Variants in CNTN5 observed in about 807,000 individuals in gnomAD.
The protein encoded by CNTN5 is contactin 5, also known as contactin-5.
A neutral mutation model predicts 129.1 loss-of-function variants in CNTN5; 77 were observed. The observed-to-expected ratio is 0.60, with a 90% CI of 0.50 to 0.72. The LOEUF is 0.72. Among genes scored for constraint, CNTN5 ranks in the 30% least tolerant of loss-of-function variants. The pLI is 0.00. For synonymous variants in CNTN5, 509 were observed against 465.6 expected (o/e 1.09, Z -1.20); for missense variants, 1,478 against 1,328.8 (o/e 1.11, Z -1.75).
intron 3 of CNTN5, among the ~76,000 whole-genome samples, chr11:99,715,718 G>T (rs747452670): frequency 6.6e-6 from 1 of 151,832 alleles, no homozygotes; most frequent in Non-Finnish European, 1.5e-5. Flanking sequence ...GCATTTGATA[G>T]ATTTTAATAT....
chr11:99,778,311 G>T (rs1381504608), intron 3 of CNTN5, among the ~76,000 whole-genome samples: 1 of 151,658 alleles, frequency 6.6e-6, no homozygotes, highest in Non-Finnish European at 1.5e-5. Flanking sequence ...GATCAATATT[G>T]AGCAATGATT....
At chr11:99,357,430 T>C (rs1298824196) in intron 2 of CNTN5, among the ~76,000 whole-genome samples, 1 of 152,128 alleles carries the variant, frequency 6.6e-6, no homozygotes, top group Non-Finnish European at 1.5e-5. Flanking sequence ...CAATATTATA[T>C]ACTTGAAATT....
At chr11:100,172,984 G>A (rs1288858665) in intron 13 of CNTN5, among the ~76,000 whole-genome samples, 1 of 152,056 alleles carries the variant, frequency 6.6e-6, no homozygotes, top group Non-Finnish European at 1.5e-5. Context: ...CAGTAACATA[G>A]ATGAATCCTG....
chr11:99,507,744 C>T (rs1279038909), intron 2 of CNTN5, among the ~76,000 whole-genome samples: 4 of 152,144 alleles, frequency 2.6e-5, no homozygotes, highest in Non-Finnish European at 5.9e-5. Flanking sequence ...TTTTCACGTG[C>T]CATATTTTTT....
chr11:100,313,106 T>C (rs1261918753), intron 21 of CNTN5, among the ~76,000 whole-genome samples: 1 of 152,024 alleles, frequency 6.6e-6, no homozygotes, highest in Non-Finnish European at 1.5e-5. Context: ...AAAGTTTGTC[T>C]TTTATTTGAA....
At chr11:100,326,224 A>G (rs926932503) in intron 21 of CNTN5, among the ~76,000 whole-genome samples, 4 of 152,178 alleles carry the variant, frequency 2.6e-5, no homozygotes, top group Non-Finnish European at 5.9e-5. Flanking sequence ...GTGAGAGAAA[A>G]TGGTAGACGT....
chr11:99,980,295 G>A (rs1398591365), intron 8 of CNTN5, among the ~76,000 whole-genome samples: 2 of 152,190 alleles, frequency 1.3e-5, no homozygotes, highest in African/African-American at 4.8e-5. Context: ...ATATGTGAAT[G>A]TATAATGAAA....
intron 16 of CNTN5, among the ~76,000 whole-genome samples, chr11:100,227,320 C>T (rs1343692111): frequency 1.3e-5 from 2 of 152,128 alleles, no homozygotes; most frequent in Admixed American, 6.5e-5. Context: ...AATTCTTCAA[C>T]CTTGCCGCTC....
chr11:99,782,782 A>G (rs1945359733), intron 3 of CNTN5, among the ~76,000 whole-genome samples: 1 of 152,000 alleles, frequency 6.6e-6, no homozygotes, highest in South Asian at 2.1e-4. Flanking sequence ...CATATGTAGA[A>G]AGCTGAAACT....
intron 1 of CNTN5, among the ~76,000 whole-genome samples, chr11:99,186,012 T>C (rs1342752515): frequency 6.6e-6 from 1 of 151,758 alleles, no homozygotes; most frequent in Non-Finnish European, 1.5e-5. Flanking sequence ...AAAATAAAGG[T>C]TTATGAATAT....
At chr11:99,455,783 A>G (rs994225002) in intron 2 of CNTN5, among the ~76,000 whole-genome samples, 2 of 152,216 alleles carry the variant, frequency 1.3e-5, no homozygotes, top group African/African-American at 2.4e-5. Context: ...AGGGAAAAAA[A>G]GCATGAAAAA....
At chr11:100,207,386 C>G (rs771038750) in intron 15 of CNTN5, among the ~76,000 whole-genome samples, 7 of 152,056 alleles carry the variant, frequency 4.6e-5, no homozygotes, top group African/African-American at 1.4e-4. Flanking sequence ...AAAATCAACT[C>G]TTTTTCTTTA....
intron 2 of CNTN5, among the ~76,000 whole-genome samples, chr11:99,467,646 C>G (rs1944998602): frequency 6.6e-6 from 1 of 152,034 alleles, no homozygotes; most frequent in Non-Finnish European, 1.5e-5. Context: ...AAAGAGAGCC[C>G]CACAACACTA....
intron 3 of CNTN5, among the ~76,000 whole-genome samples, chr11:99,777,323 A>T (rs1419369990): frequency 6.6e-6 from 1 of 151,844 alleles, no homozygotes; most frequent in Admixed American, 6.6e-5. Flanking sequence ...TGTGCATCTC[A>T]TCAAAGAAAT....
chr11:99,115,244 A>G (rs1400033026), intron 1 of CNTN5, among the ~76,000 whole-genome samples: 1 of 152,200 alleles, frequency 6.6e-6, no homozygotes, highest in Non-Finnish European at 1.5e-5. Flanking sequence ...TTAGTCAACT[A>G]CTTCATTTTT....
chr11:99,914,659 T>A (rs1438650601), intron 6 of CNTN5, among the ~76,000 whole-genome samples: 1 of 152,130 alleles, frequency 6.6e-6, no homozygotes, highest in African/African-American at 2.4e-5. Flanking sequence ...GTCCTGCTAC[T>A]TTATGAAAAG....
chr11:99,428,023 A>C (rs991212350), intron 2 of CNTN5, among the ~76,000 whole-genome samples: 4 of 152,044 alleles, frequency 2.6e-5, no homozygotes, highest in Non-Finnish European at 5.9e-5. Flanking sequence ...TGAGATGCTT[A>C]GACTTCCTCT....
At chr11:99,758,929 T>C (rs1944488797) in intron 3 of CNTN5, among the ~76,000 whole-genome samples, 1 of 152,102 alleles carries the variant, frequency 6.6e-6, no homozygotes, top group African/African-American at 2.4e-5. Flanking sequence ...CAATATATGG[T>C]ATTTTGTTCC....
At chr11:100,345,670 A>G (rs943406642) in intron 23 of CNTN5, among the ~76,000 whole-genome samples, 6 of 152,150 alleles carry the variant, frequency 3.9e-5, no homozygotes, top group African/African-American at 7.2e-5. Context: ...ATTGAACCAC[A>G]TATAATTGCA....
Sources: gnomAD v4.1 joint callset for allele counts (sites outside exome capture counted in the v4.1 genomes callset) on GRCh38, gnomAD v4.1.1 for gene constraint, MANE v1.5 for transcripts, NCBI Gene and HGNC (gene_info 2026-07-23, HGNC 2026-07-21) for gene names.